Variants in TNNI3K observed in about 807,000 individuals in gnomAD.
TNNI3K encodes serine/threonine-protein kinase TNNI3K.
In TNNI3K, 140 loss-of-function variants were observed where a neutral mutation model predicts 114.5. The ratio of observed to expected loss-of-function variants is 1.22; its 90% CI spans 1.07 to 1.41. The LOEUF (loss-of-function observed/expected upper bound fraction) is 1.41. Ranked by LOEUF, TNNI3K falls within the 40% of genes most tolerant of loss-of-function variation. The pLI is 0.00. For synonymous variants in TNNI3K, 347 were observed against 347.5 expected (o/e 1.00, Z 0.02); for missense variants, 1,125 against 1,007.6 (o/e 1.12, Z -1.58).
At chr1:74,379,752 A>C (rs1208958992) in intron 17 of TNNI3K, among the ~76,000 whole-genome samples, 4 of 152,062 alleles carry the variant, frequency 2.6e-5, no homozygotes, top group African/African-American at 9.7e-5. Flanking sequence ...CTGTGTCCCA[A>C]ACATTCTCAT....
intron 21 of TNNI3K, among the ~76,000 whole-genome samples, chr1:74,487,884 C>T (rs751081878): frequency 5.9e-5 from 9 of 152,082 alleles, no homozygotes; most frequent in Non-Finnish European, 1.2e-4. Flanking sequence ...GAGAAAGGGA[C>T]AGCTCAGAGA....
At chr1:74,471,427 T>C (rs1414057159) in intron 21 of TNNI3K, 1 of 400,602 alleles carries the variant, frequency 2.5e-6, no homozygotes, top group Non-Finnish European at 4.4e-6. Flanking sequence ...CAAGGATTTT[T>C]CTGGATGGAC....
Position 74,512,938 on chromosome 1 carries a change from C to T in TNNI3K, c.2351+20672C>T, listed in dbSNP as rs559916070. Reference sequence around the variant, plus strand: ...AAGCTGGCCTTTTCTGTCCCTCATCCGGGTAAATGGCTCACCGTGGAAAAC... The same window carrying T: ...AAGCTGGCCTTTTCTGTCCCTCATCTGGGTAAATGGCTCACCGTGGAAAAC... On this transcript the variant is annotated intron_variant, in intron 23 of 24. Transcript: ENST00000326637. 3.7e-4 allele frequency among the ~76,000 whole-genome samples: 56 copies of T among 152,282 alleles called. 1 individual carries two copies. The Middle Eastern group carries it at 0.017, about 46-fold the overall frequency.
rs755733980 is a variant in TNNI3K, at chr1:74,436,480, G to GA, written c.1833dup (p.Phe612IlefsTer7). ...TATTTTCTCTTTCCCTCAGAATCAA[G>GA]ATTTCTACAGTCTCTGGATGAAGAC... On this transcript the variant is annotated frameshift_variant, in exon 19 of 25. Transcript: ENST00000326637. LOFTEE classifies it high-confidence loss of function. 1 of 1,578,864 alleles carries GA rather than the reference G, an allele frequency of 6.3e-7. No homozygotes were observed. The highest frequency in any genetic ancestry group is 1.2e-5 in the South Asian group (1 of 84,062).
At chr1:74,530,079 C>G (rs1035576466) in intron 23 of TNNI3K, among the ~76,000 whole-genome samples, 1 of 152,148 alleles carries the variant, frequency 6.6e-6, no homozygotes, top group African/African-American at 2.4e-5. Context: ...ATCCTACTGC[C>G]TTGGCCTCCC....
chr1:74,502,715 C>T (rs17095460), intron 23 of TNNI3K, among the ~76,000 whole-genome samples: 15,797 of 152,170 alleles, frequency 0.1, 2,181 homozygotes, highest in African/African-American at 0.32. Context: ...CTCACTCTAA[C>T]TCTGATAGTA....
chr1:74,383,825 A>G (rs1422358911), intron 17 of TNNI3K, among the ~76,000 whole-genome samples: 3 of 152,140 alleles, frequency 2.0e-5, no homozygotes, highest in African/African-American at 7.2e-5. Context: ...GAGATCATCT[A>G]ATTAAATCTT....
At chr1:74,303,490 T>C (rs1409638211) in intron 5 of TNNI3K, among the ~76,000 whole-genome samples, 1 of 152,128 alleles carries the variant, frequency 6.6e-6, no homozygotes, top group African/African-American at 2.4e-5. Context: ...TTAAGCCCAC[T>C]GTTGAGACCC....
chr1:74,376,805 T>G (rs566552490), intron 17 of TNNI3K: 1 of 150,848 alleles, frequency 6.6e-6, no homozygotes, highest in East Asian at 2.0e-4. Flanking sequence ...TGAAGAATCA[T>G]TTGGGGGCCT....
At chr1:74,264,156 CT>C (rs899928668) in intron 4 of TNNI3K, among the ~76,000 whole-genome samples, 6 of 150,832 alleles carry the variant, frequency 4.0e-5, no homozygotes, top group African/African-American at 1.2e-4. Flanking sequence ...TGTTACTTCT[CT>C]TTTTTTCTTT....
intron 17 of TNNI3K, among the ~76,000 whole-genome samples, chr1:74,385,328 T>C (rs1663417187): frequency 6.6e-6 from 1 of 151,990 alleles, no homozygotes. Context: ...TTCACAGGAG[T>C]ATATAACTGT....
rs186155518 is a variant in TNNI3K, at chr1:74,379,046, C to T, written c.1772+8654C>T. On this transcript the variant is annotated intron_variant, in intron 17 of 24. Coordinates refer to ENST00000326637, the MANE Select transcript of TNNI3K (RefSeq NM_015978.3). Reference sequence around the variant, plus strand: ...GTAATTGGGAAATGAATGAAAACTACTTAATAAAGCATGCTATATATGAAT... The same window carrying T: ...GTAATTGGGAAATGAATGAAAACTATTTAATAAAGCATGCTATATATGAAT... Among the ~76,000 whole-genome samples the T allele has an allele frequency of 6.2e-3, 950 of 152,052 alleles. 6 individuals carry two copies. The highest frequency in any genetic ancestry group is 0.01 in the Non-Finnish European group (699 of 67,964).
rs980196208 is a variant in TNNI3K, at chr1:74,376,746, A to G, written c.1772+6354A>G. 3 of 152,074 alleles carry G rather than the reference A, an allele frequency of 2.0e-5. No individual in the cohort carries two copies. The South Asian group carries it at 6.2e-4, about 32-fold the overall frequency. 9.4% of individuals were successfully genotyped at this position (152,074 alleles called of 1,614,324 possible). A position where few individuals can be genotyped will look rare whatever the true frequency, so the allele number is the denominator to read the frequency against. ...ACAGGTGAGAAGGACAGATCATAAC[A>G]CTTTTTCCAGCAGAGCATAGAGCCT... On this transcript the variant is annotated intron_variant, in intron 17 of 24. Transcript: ENST00000326637.
rs569312228 is a variant in TNNI3K, at chr1:74,367,171, C to T, written c.1178-85C>T. On this transcript the variant is annotated intron_variant, in intron 11 of 24. Transcript: ENST00000326637. ...ATGATTTGTCCTATGTTGTAAGCTA[C>T]TTCCAATAATTTTTGGATTTGAGAG... The T allele has an allele frequency of 2.4e-3, 3,253 of 1,342,268 alleles. 7 individuals carry two copies. The highest frequency in any genetic ancestry group is 3.0e-3 in the Non-Finnish European group (2,899 of 952,452). 83.1% of individuals were successfully genotyped at this position (1,342,268 alleles called of 1,614,324 possible). A position where few individuals can be genotyped will look rare whatever the true frequency, so the allele number is the denominator to read the frequency against.
At chr1:74,439,755 A>T in intron 20 of TNNI3K, 133 bp downstream of exon 20, 1 of 1,400,496 alleles carries the variant, frequency 7.1e-7, no homozygotes, top group African/African-American at 1.4e-5. Context: ...AAACAATCTT[A>T]AATTGTTTTA....
intron 17 of TNNI3K, among the ~76,000 whole-genome samples, chr1:74,433,722 A>G (rs1216919832): frequency 4.6e-5 from 7 of 151,896 alleles, no homozygotes; most frequent in Admixed American, 4.6e-4. Flanking sequence ...TTTGAATGTG[A>G]CCTCAATGTG....
chr1:74,283,202 A>C (rs951668277), intron 5 of TNNI3K, among the ~76,000 whole-genome samples: 4 of 152,212 alleles, frequency 2.6e-5, no homozygotes, highest in Admixed American at 2.0e-4. Flanking sequence ...GTGGCATTCG[A>C]AAATGGTTTC....
chr1:74,240,077 T>A, intron 2 of TNNI3K: 1 of 395,382 alleles, frequency 2.5e-6, no homozygotes, highest in Middle Eastern at 3.7e-4. Flanking sequence ...GCCTCTAATC[T>A]TTATCAACAT....
chr1:74,435,073 A>C (rs1176845553), intron 17 of TNNI3K, among the ~76,000 whole-genome samples: 1 of 152,054 alleles, frequency 6.6e-6, no homozygotes, highest in Non-Finnish European at 1.5e-5. Context: ...ATCCAGTGGC[A>C]ATCTCCTAAT....
Sources: allele counts gnomAD v4.1 joint callset (sites outside exome capture counted in the v4.1 genomes callset), GRCh38; gene constraint gnomAD v4.1.1; transcripts MANE v1.5; gene names NCBI Gene and HGNC (gene_info 2026-07-23, HGNC 2026-07-21).